CEP128: variants seen among roughly 807,000 people sequenced by gnomAD.
CEP128 encodes the protein centrosomal protein 128kDa.
In CEP128, 132 loss-of-function variants were observed where a neutral mutation model predicts 156.7. The observed-to-expected ratio is 0.84, with a 90% CI of 0.73 to 0.97. The LOEUF (loss-of-function observed/expected upper bound fraction) is 0.97. Ranked by LOEUF, CEP128 falls within the 50% of genes least tolerant of loss-of-function variation. CEP128 has a pLI of 0.00. For missense variants in CEP128, 1,252 were observed against 1,281.9 expected, an observed-to-expected ratio of 0.98 and a Z score of 0.36; for synonymous variants, 469 against 448.9, an observed-to-expected ratio of 1.04 and a Z score of -0.57.
intron 9 of CEP128, among the ~76,000 whole-genome samples, chr14:80,852,374 AAAAGTATAAC>A (rs1886934298): frequency 1.3e-5 from 2 of 152,122 alleles, no homozygotes; most frequent in South Asian, 4.1e-4. Context: ...AAATTACCAT[AAAAGTATAAC>A]AAAGCATATG....
chr14:80,685,645 C>G (rs1007806218), intron 19 of CEP128, among the ~76,000 whole-genome samples: 2 of 151,930 alleles, frequency 1.3e-5, no homozygotes, highest in Non-Finnish European at 2.9e-5. Flanking sequence ...GAAGCCCAAA[C>G]AGCAAAAATA....
intron 19 of CEP128, among the ~76,000 whole-genome samples, chr14:80,710,045 T>C (rs1337998890): frequency 2.0e-5 from 3 of 151,632 alleles, no homozygotes; most frequent in Non-Finnish European, 4.4e-5. Flanking sequence ...TTTTGTACCC[T>C]GGACCTTTTG....
In CEP128 at chr14:80,756,987, T is replaced by C. The variant is rs372395999; in HGVS notation, c.2554-36A>G. 52 of 1,330,750 alleles carry C rather than the reference T, an allele frequency of 3.9e-5. No individual in the cohort carries two copies. The African/African-American group carries it at 6.7e-4, about 17-fold the overall frequency. The allele number at this position is 1,330,750 out of a possible 1,614,324, so 82.4% of individuals were successfully genotyped here. A position where few individuals can be genotyped will look rare whatever the true frequency, so the allele number is the denominator to read the frequency against. ...GAAAACAGTCGATTAGAAATACATT[T>C]TTCTCTGACATAAACATATATAAAT... On this transcript the variant is annotated intron_variant, in intron 17 of 24. Coordinates refer to ENST00000555265, the MANE Select transcript of CEP128 (RefSeq NM_152446.5).
intron 8 of CEP128, among the ~76,000 whole-genome samples, chr14:80,880,865 A>AAAT (rs375304920): frequency 0.14 from 17,726 of 124,708 alleles, 1,383 homozygotes; most frequent in Non-Finnish European, 0.18. Context: ...TCCATCTCAA[A>AAAT]AATAATAATA....
At chr14:80,827,956 G>GT (rs2140028800) in intron 13 of CEP128, among the ~76,000 whole-genome samples, 1 of 152,012 alleles carries the variant, frequency 6.6e-6, no homozygotes, top group East Asian at 1.9e-4. Context: ...AGTCTCCTGG[G>GT]TCACACACAG....
chr14:80,857,991 A>G (rs1168119393), intron 9 of CEP128, among the ~76,000 whole-genome samples: 1 of 152,190 alleles, frequency 6.6e-6, no homozygotes, highest in African/African-American at 2.4e-5. Context: ...TACAGATTCA[A>G]TGCCATCCCC....
intron 2 of CEP128, among the ~76,000 whole-genome samples, chr14:80,954,735 T>G (rs1471382059): frequency 1.3e-5 from 2 of 152,262 alleles, no homozygotes; most frequent in Non-Finnish European, 2.9e-5. Context: ...TGATTTATGT[T>G]TGTAATGATC....
chr14:80,511,765 C>T (rs1002409536), intron 23 of CEP128, among the ~76,000 whole-genome samples: 14 of 151,796 alleles, frequency 9.2e-5, no homozygotes, highest in Admixed American at 2.6e-4. Context: ...TTTTGCTGTA[C>T]CCCAGAGGTT....
intron 4 of CEP128, among the ~76,000 whole-genome samples, chr14:80,906,974 A>T (rs1883918611): frequency 6.6e-6 from 1 of 152,214 alleles, no homozygotes; most frequent in African/African-American, 2.4e-5. Context: ...CTTTAAGTAG[A>T]ATGTCAAAAC....
intron 24 of CEP128, among the ~76,000 whole-genome samples, chr14:80,504,647 C>G (rs749960678): frequency 6.6e-6 from 1 of 152,092 alleles, no homozygotes; most frequent in East Asian, 1.9e-4. Context: ...AATCTCCAAA[C>G]GAAAAATTTG....
chr14:80,811,675 A>ATG (rs1491482607), intron 13 of CEP128, among the ~76,000 whole-genome samples: 11 of 106,014 alleles, frequency 1.0e-4, no homozygotes, highest in African/African-American at 2.3e-4. Flanking sequence ...GTGTACAGAC[A>ATG]TATGTGTGTG....
At chr14:80,955,731 G>T in intron 2 of CEP128, 1 of 1,614,160 alleles carries the variant, frequency 6.2e-7, no homozygotes, top group Non-Finnish European at 8.5e-7. Flanking sequence ...ACCTGCCCAG[G>T]GACCTGGGCG....
chr14:80,491,391 C>T (rs771663477), intron 6 of CEP128, among the ~76,000 whole-genome samples: 21 of 152,040 alleles, frequency 1.4e-4, no homozygotes, highest in Non-Finnish European at 2.8e-4. Flanking sequence ...AGAACTGTTG[C>T]ATCTATTTTA....
At chr14:80,943,126 C>G (rs575729099), upstream of CEP128, among the ~76,000 whole-genome samples, 56 of 152,162 alleles carry the variant, frequency 3.7e-4, no homozygotes, top group Non-Finnish European at 7.1e-4. Flanking sequence ...TATTTGTAAA[C>G]ATTTTAACTT....
At chr14:80,889,226 T>C (rs1450495018) in intron 8 of CEP128, among the ~76,000 whole-genome samples, 1 of 152,234 alleles carries the variant, frequency 6.6e-6, no homozygotes, top group Non-Finnish European at 1.5e-5. Context: ...ATAGATTCAA[T>C]GCTATTCCCA....
At chr14:80,589,219 T>C (rs1320014979) in intron 19 of CEP128, among the ~76,000 whole-genome samples, 1 of 152,082 alleles carries the variant, frequency 6.6e-6, no homozygotes, top group African/African-American at 2.4e-5. Flanking sequence ...CCAGCTGACA[T>C]CTTGATTTTA....
At chr14:80,612,203 T>G (rs555407884) in intron 19 of CEP128, among the ~76,000 whole-genome samples, 3 of 152,338 alleles carry the variant, frequency 2.0e-5, no homozygotes, top group African/African-American at 7.2e-5. Context: ...ATGGTGTTTT[T>G]TTGTCAAATA....
intron 8 of CEP128, among the ~76,000 whole-genome samples, chr14:80,884,869 G>C (rs1888722093): frequency 1.3e-5 from 2 of 152,116 alleles, no homozygotes; most frequent in African/African-American, 4.8e-5. Context: ...CACTCAGCGG[G>C]TCCCACTCCC....
At chr14:80,772,691 T>C (rs1595376324) in intron 16 of CEP128, among the ~76,000 whole-genome samples, 2 of 152,054 alleles carry the variant, frequency 1.3e-5, no homozygotes, top group Admixed American at 6.6e-5. Context: ...CCAGAGGTAG[T>C]TGCCCCAACT....
Sources: gnomAD v4.1 joint callset for allele counts (sites outside exome capture counted in the v4.1 genomes callset) on GRCh38, gnomAD v4.1.1 for gene constraint, MANE v1.5 for transcripts, NCBI Gene and HGNC (gene_info 2026-07-23, HGNC 2026-07-21) for gene names.